The following ARMC9 variants were observed in gnomAD, a reference collection of about 807,000 sequenced individuals.
ARMC9 encodes lisH domain-containing protein ARMC9.
ARMC9 carries 94 observed loss-of-function variants against 107.0 expected under a neutral mutation model. That is an observed-to-expected ratio of 0.88 (90% CI 0.74 to 1.04). The LOEUF is 1.04. Among genes scored for constraint, ARMC9 ranks in the 50% least tolerant of loss-of-function variants. The pLI, the probability that ARMC9 is intolerant of heterozygous loss-of-function variation, is 0.00. For missense variants in ARMC9, 942 were observed against 1,030.1 expected (o/e 0.91, Z 1.17); for synonymous variants, 380 against 396.9 (o/e 0.96, Z 0.51).
At chr2:231,317,386 G>A (rs1040771990) in intron 19 of ARMC9, among the ~76,000 whole-genome samples, 10 of 152,150 alleles carry the variant, frequency 6.6e-5, no homozygotes, top group African/African-American at 2.4e-4. Context: ...GGCCAGACTG[G>A]TCTCGAACAC....
chr2:231,338,043 G>C (rs1025181110), intron 20 of ARMC9, among the ~76,000 whole-genome samples: 6 of 152,142 alleles, frequency 3.9e-5, no homozygotes, highest in African/African-American at 1.2e-4. Flanking sequence ...TCAGAGCCCA[G>C]GCTCTTTTCA....
At chr2:231,312,042 C>G (rs973257446) in intron 19 of ARMC9, among the ~76,000 whole-genome samples, 9 of 152,204 alleles carry the variant, frequency 5.9e-5, no homozygotes, top group South Asian at 2.1e-4. Flanking sequence ...TGTTTGCTAA[C>G]CCCCAAAAAA....
chr2:231,222,912 C>T, intron 6 of ARMC9, 92 bp downstream of exon 6: 2 of 770,692 alleles, frequency 2.6e-6, no homozygotes, highest in East Asian at 2.7e-5. Context: ...GAGGTTGCCT[C>T]ATTAAATCGG....
intron 19 of ARMC9, among the ~76,000 whole-genome samples, chr2:231,322,890 A>C (rs142171815): frequency 6.6e-6 from 1 of 152,246 alleles, no homozygotes; most frequent in Non-Finnish European, 1.5e-5. Flanking sequence ...TCACTCCCTT[A>C]CTTCACAAAG....
chr2:231,241,844 C>G (rs1458937760), intron 9 of ARMC9, among the ~76,000 whole-genome samples: 1 of 152,032 alleles, frequency 6.6e-6, no homozygotes, highest in Non-Finnish European at 1.5e-5. Flanking sequence ...GAGAGGCAGG[C>G]TGCAGACTGG....
At chr2:231,289,563 A>G (rs2040846782) in intron 17 of ARMC9, among the ~76,000 whole-genome samples, 1 of 152,056 alleles carries the variant, frequency 6.6e-6, no homozygotes, top group Admixed American at 6.6e-5. Context: ...TGAGTGGGGG[A>G]TGGAGAAGAG....
At chr2:231,278,885 C>CT (rs1228480250) in intron 16 of ARMC9, among the ~76,000 whole-genome samples, 1 of 152,220 alleles carries the variant, frequency 6.6e-6, no homozygotes, top group African/African-American at 2.4e-5. Flanking sequence ...CTGTTTATGG[C>CT]TTTTCCCTTG....
chr2:231,336,717 G>A (rs2044114130), intron 20 of ARMC9, among the ~76,000 whole-genome samples: 1 of 152,238 alleles, frequency 6.6e-6, no homozygotes, highest in Admixed American at 6.5e-5. Context: ...TTAAAGTGCA[G>A]GTTCCTGGCC....
At chr2:231,345,223 G>A in intron 21 of ARMC9, 133 bp downstream of exon 21, 2 of 1,455,304 alleles carry the variant, frequency 1.4e-6, no homozygotes, top group Non-Finnish European at 1.8e-6. Context: ...TATTTTTGGG[G>A]GATTTTTGGA....
At chr2:231,287,357 C>T (rs966377519) in intron 17 of ARMC9, among the ~76,000 whole-genome samples, 1 of 152,214 alleles carries the variant, frequency 6.6e-6, no homozygotes, top group Non-Finnish European at 1.5e-5. Context: ...AGGTGGTGTG[C>T]CTGCACCCTA....
chr2:231,365,681 G>A (rs28667919), intron 23 of ARMC9, among the ~76,000 whole-genome samples: 1 of 139,448 alleles, frequency 7.2e-6, no homozygotes, highest in Non-Finnish European at 1.6e-5. Flanking sequence ...CACAGCAGAT[G>A]GGAACCAGCC....
chr2:231,315,833 A>T (rs1233828859), intron 19 of ARMC9, among the ~76,000 whole-genome samples: 2 of 152,100 alleles, frequency 1.3e-5, no homozygotes, highest in Non-Finnish European at 2.9e-5. Context: ...CTTCTTTTGT[A>T]TTAAGTAATA....
At chr2:231,251,091 G>C (rs1028217138) in intron 9 of ARMC9, among the ~76,000 whole-genome samples, 12 of 152,136 alleles carry the variant, frequency 7.9e-5, no homozygotes, top group African/African-American at 2.9e-4. Flanking sequence ...AGCAGCTGTG[G>C]GATGGAATCA....
At chr2:231,207,507 A>C (rs2125308195) in intron 2 of ARMC9, among the ~76,000 whole-genome samples, 2 of 141,500 alleles carry the variant, frequency 1.4e-5, no homozygotes, top group African/African-American at 2.7e-5. Context: ...ATGGAGTCTC[A>C]CTCTGTCGCC....
At chr2:231,345,350 T>G (rs2044758646) in intron 21 of ARMC9, 1 of 543,292 alleles carries the variant, frequency 1.8e-6, no homozygotes, top group African/African-American at 2.0e-5. Flanking sequence ...GCCAGAGTAA[T>G]TTCAAAAGAA....
chr2:231,273,695 G>A (rs1346521081), intron 14 of ARMC9, among the ~76,000 whole-genome samples: 5 of 152,158 alleles, frequency 3.3e-5, no homozygotes, highest in South Asian at 2.1e-4. Context: ...AATTACAGGC[G>A]TGAGTCACCG....
intron 19 of ARMC9, among the ~76,000 whole-genome samples, chr2:231,306,943 G>T (rs571105003): frequency 1.3e-5 from 2 of 152,192 alleles, no homozygotes; most frequent in African/African-American, 4.8e-5. Flanking sequence ...GCCTTAGCAC[G>T]GATGTGGAGC....
intron 3 of ARMC9, among the ~76,000 whole-genome samples, chr2:231,208,490 G>T (rs2032358423): frequency 6.6e-6 from 1 of 152,228 alleles, no homozygotes; most frequent in African/African-American, 2.4e-5. Context: ...AGGAAAAGAA[G>T]AAACCATGCA....
chr2:231,331,331 G>GTTT (rs1390013307), intron 19 of ARMC9, among the ~76,000 whole-genome samples: 1 of 152,228 alleles, frequency 6.6e-6, no homozygotes, highest in Non-Finnish European at 1.5e-5. Context: ...CTTCCCAGAA[G>GTTT]CAGAACGGTG....
Sources: gnomAD v4.1 joint callset for allele counts (sites outside exome capture counted in the v4.1 genomes callset) on GRCh38, gnomAD v4.1.1 for gene constraint, MANE v1.5 for transcripts, NCBI Gene and HGNC (gene_info 2026-07-23, HGNC 2026-07-21) for gene names.